The following SLC4A1 variants were observed in gnomAD, a reference collection of about 807,000 sequenced individuals.
The protein encoded by SLC4A1 is solute carrier family 4 member 1 (Diego blood group).
Under a neutral mutation model 93.1 loss-of-function variants are expected in SLC4A1, and 29 were observed. The observed-to-expected ratio is 0.31, with a 90% CI of 0.23 to 0.42. The LOEUF (loss-of-function observed/expected upper bound fraction) is 0.42, where lower values mean the gene tolerates loss of function less well. Among genes scored for constraint, SLC4A1 ranks in the 20% least tolerant of loss-of-function variants. The pLI is 1.00. For missense variants in SLC4A1, 965 were observed against 1,190.1 expected, an observed-to-expected ratio of 0.81 and a Z score of 2.78; for synonymous variants, 469 against 497.2, an observed-to-expected ratio of 0.94 and a Z score of 0.76.
Position 44,254,517 on chromosome 17 carries a change from A to C in SLC4A1, c.2036T>G (p.Phe679Cys), listed in dbSNP as rs1567830080. 1.3e-6 allele frequency: 2 copies of C among 1,498,938 alleles called. No individual in the cohort carries two copies. Among genetic ancestry groups the C allele is most frequent in the Non-Finnish European group, 1.8e-6 (2 of 1,110,074 alleles). 92.9% of individuals were successfully genotyped at this position (1,498,938 alleles called of 1,614,324 possible). ...LPALLVFILIFLESQITTLIV... is the reference protein window; with the variant it reads ...LPALLVFILICLESQITTLIV... ...TCACGTGGTGATCTGAGACTCCAGG[A>C]ATATGAGGATGAAGACCAGCAGAGC... Residue 679 changes from phenylalanine to cysteine, a missense_variant, in exon 16 of 20, where the codon TTC (phenylalanine) becomes TGC (cysteine). Around this residue, in one of 2 missense-constraint regions of SLC4A1, gnomAD observed 770 missense variants for 1,006.6 expected, o/e 0.76. Coordinates refer to ENST00000262418, the MANE Select transcript of SLC4A1 (RefSeq NM_000342.4).
chr17:44,252,054 T>G (rs999441106), intron 17 of SLC4A1, among the ~76,000 whole-genome samples: 25 of 133,932 alleles, frequency 1.9e-4, no homozygotes, highest in African/African-American at 7.3e-4. Flanking sequence ...GGTCTTTTTT[T>G]TTTTTTTTTT....
Position 44,262,948 on chromosome 17 carries a change from C to T in SLC4A1, c.-68-14G>A. ...CACCGCGGGTCCCTGCAGCAGAGGG[C>T]ACAGGCTGAGTGGGGCACAGGGCAT... On this transcript the variant is annotated splice_polypyrimidine_tract_variant and intron_variant, in intron 1 of 19. Transcript: ENST00000262418. The T allele has an allele frequency of 5.0e-6, 8 of 1,610,292 alleles. No individual in the cohort carries two copies. The highest frequency in any genetic ancestry group is 5.9e-6 in the Non-Finnish European group (7 of 1,179,592).
intron 19 of SLC4A1, among the ~76,000 whole-genome samples, 160 bp from the exon 20 acceptor site, chr17:44,250,698 A>G (rs1162815517): frequency 2.6e-5 from 4 of 152,136 alleles, no homozygotes; most frequent in Non-Finnish European, 5.9e-5. Flanking sequence ...ACTGGCCTAA[A>G]TGAGTCGTTG....
At chr17:44,257,619 G>A (rs1026940839) in intron 12 of SLC4A1, 40 bp downstream of exon 12, 39 of 1,612,942 alleles carry the variant, frequency 2.4e-5, no homozygotes, top group Non-Finnish European at 3.2e-5. Flanking sequence ...CAGGTGGTGC[G>A]GGGGACATGA....
At position 44,257,774 on chromosome 17, in the gene SLC4A1, T is replaced by A; in HGVS notation, c.1316A>T (p.Glu439Val). The change falls in exon 12 of 20, where the codon GAG becomes GTG. Residue 439 changes from glutamate (E) to valine (V), a missense_variant. This residue lies in a region of SLC4A1 where 770 missense variants were observed against 1,006.6 expected (regional missense o/e 0.76). Transcript: ENST00000262418. ...CTGCACTGCAGTGGAGATCAGCAGC[T>A]CCGACACTCCCATCTGGTTCCGGGT... is the stretch of plus-strand genomic sequence containing the variant. ...EKTRNQMGVS[E>V]LLISTAVQGI... is the part of the protein sequence containing the mutation. The A allele has an allele frequency of 6.2e-7, 1 of 1,613,884 alleles. No homozygotes were observed. The highest frequency in any genetic ancestry group is 8.5e-7 in the Non-Finnish European group (1 of 1,180,002).
intron 1 of SLC4A1, among the ~76,000 whole-genome samples, chr17:44,263,309 G>C (rs527756440): frequency 2.0e-5 from 3 of 152,180 alleles, no homozygotes; most frequent in African/African-American, 7.2e-5. Context: ...TCTTCTTCAG[G>C]GGGGCTTAGC....
rs777378002 is a variant in SLC4A1 at position 44,262,863 on chromosome 17, C to T, written c.4G>A (p.Glu2Lys). 1.9e-6 allele frequency: 3 copies of T among 1,614,198 alleles called. No homozygotes were observed. The highest frequency in any genetic ancestry group is 2.5e-6 in the Non-Finnish European group (3 of 1,180,030). ...CAGGGAACACCCACCTGCAGCTCCTCCATGGCGTGGTCCTGAGTGTCCAGT... is the reference window on the plus strand; with the variant it reads ...CAGGGAACACCCACCTGCAGCTCCTTCATGGCGTGGTCCTGAGTGTCCAGT... M[E>K]ELQDDYEDMM... is the part of the protein sequence containing the mutation. Residue 2 changes from glutamate (E) to lysine (K), a missense_variant, in exon 2 of 20, where the codon GAG (glutamate) becomes AAG (lysine). By Grantham distance (56) the Glu-to-Lys change is moderately conservative (BLOSUM62 1). This residue lies in a region of SLC4A1 where 195 missense variants were observed against 183.5 expected (regional missense o/e 1.06). Transcript: ENST00000262418.
At chr17:44,262,334 C>A (rs1375817178) in intron 3 of SLC4A1, among the ~76,000 whole-genome samples, 1 of 152,226 alleles carries the variant, frequency 6.6e-6, no homozygotes, top group Non-Finnish European at 1.5e-5. Context: ...ATTTTCTGGC[C>A]TGGAAGCTGG....
Position 44,257,685 on chromosome 17 carries a change from G to T in SLC4A1, c.1405C>A (p.Leu469Met). Residue 469 changes from leucine (L) to methionine (M), a missense_variant, in exon 12 of 20, where the codon CTG (leucine) becomes ATG (methionine). By Grantham distance (15) the Leu-to-Met change is conservative. Transcript: ENST00000262418. ...LLVVGFSGPL[L>M]VFEEAFFSFC... ...GAGAAGAAGGCTTCCTCAAACACCAGCAGGGGTCCTGAGAAGCCGACCACA... is the reference window on the plus strand; with the variant it reads ...GAGAAGAAGGCTTCCTCAAACACCATCAGGGGTCCTGAGAAGCCGACCACA... 1 of 1,613,856 alleles carries T rather than the reference G, an allele frequency of 6.2e-7. No individual in the cohort carries two copies. The highest frequency in any genetic ancestry group is 8.5e-7 in the Non-Finnish European group (1 of 1,179,962).
intron 19 of SLC4A1, 79 bp from the exon 20 acceptor site, chr17:44,250,617 T>C: frequency 9.0e-7 from 1 of 1,107,380 alleles, no homozygotes. Flanking sequence ...GAAAGGCACC[T>C]CTGGAGTTAG....
In SLC4A1 at chr17:44,257,446, G is replaced by A; in HGVS notation, c.1530C>T (p.Ser510=). ...AGCGGGAGATGAAGCGGACCAGGAA[G>A]CTACCCTCGAAGGCCACCACCAACA... is the stretch of plus-strand genomic sequence containing the variant. ...LVVLVVAFEG[S]FLVRFISRYT... is the part of the protein sequence containing the mutation. The change falls in exon 13 of 20, where the codon AGC becomes AGT. Residue 510 remains serine (S), a synonymous_variant. Transcript: ENST00000262418. 1.9e-6 allele frequency: 3 copies of A among 1,614,082 alleles called. No homozygotes were observed. The highest frequency in any genetic ancestry group is 2.5e-6 in the Non-Finnish European group (3 of 1,180,008).
intron 17 of SLC4A1, among the ~76,000 whole-genome samples, chr17:44,252,129 C>T (rs2047348941): frequency 7.0e-6 from 1 of 143,114 alleles, no homozygotes; most frequent in East Asian, 2.1e-4. Flanking sequence ...AATCTCAGCT[C>T]ACTTCAACCT....
Position 44,251,551 on chromosome 17 carries a change from G to T in SLC4A1, c.2349C>A (p.Ile783=), listed in dbSNP as rs758468406. Reference sequence around the variant, plus strand: ...AGATGCCAAACAGTACAGCCAGGGGGATGCGGGACAGGATGGGCTCCATGA... The same window carrying T: ...AGATGCCAAACAGTACAGCCAGGGGTATGCGGGACAGGATGGGCTCCATGA... ...SILMEPILSR[I]PLAVLFGIFL... is the part of the protein sequence containing the mutation. The change falls in exon 18 of 20, where the codon ATC becomes ATA. Residue 783 remains isoleucine (I), a synonymous_variant. Transcript: ENST00000262418. 8 of 1,614,110 alleles carry T rather than the reference G, an allele frequency of 5.0e-6. No homozygotes were observed. The highest frequency in any genetic ancestry group is 6.8e-6 in the Non-Finnish European group (8 of 1,180,014).
chr17:44,251,720 CTTTTTTTTTTTT>C, intron 17 of SLC4A1, 132 bp from the exon 18 acceptor site: 1 of 391,412 alleles, frequency 2.6e-6, no homozygotes, highest in Admixed American at 5.2e-5. Context: ...CTTTTCTTTT[CTTTTTTTTTTTT>C]TTTTTTTGTT....
At chr17:44,256,320 G>A (rs931357150) in intron 13 of SLC4A1, among the ~76,000 whole-genome samples, 4 of 152,244 alleles carry the variant, frequency 2.6e-5, no homozygotes, top group Non-Finnish European at 4.4e-5. Context: ...GCCATGGAAG[G>A]CAATGGGTGT....
At chr17:44,261,439 G>C in intron 4 of SLC4A1, 136 bp downstream of exon 4, 1 of 1,452,280 alleles carries the variant, frequency 6.9e-7, no homozygotes, top group Non-Finnish European at 9.5e-7. Context: ...TGTTTCCTGG[G>C]ATCCTCACTC....
chr17:44,250,890 G>C (rs2047332274), intron 19 of SLC4A1, among the ~76,000 whole-genome samples: 1 of 152,082 alleles, frequency 6.6e-6, no homozygotes, highest in Non-Finnish European at 1.5e-5. Context: ...GCTGCTTAGG[G>C]GTCCAGCTCA....
Position 44,253,355 on chromosome 17 carries a change from G to A in SLC4A1, c.2074C>T (p.Pro692Ser), listed in dbSNP as rs769075267. ...SQITTLIVSK[P>S]ERKMVKGSGF... ...GAGCCCTTGACCATCTTGCGCTCAG[G>A]TTTGCTGACAATCAGCCTACGGTAG... The change falls in exon 17 of 20, where the codon CCT becomes TCT. Residue 692 changes from proline to serine, a missense_variant. By Grantham distance (74) the Pro-to-Ser change is moderately conservative. Transcript: ENST00000262418. 41 of 1,612,278 alleles carry A rather than the reference G, an allele frequency of 2.5e-5. No individual in the cohort carries two copies. The highest frequency in any genetic ancestry group is 3.5e-5 in the Non-Finnish European group (41 of 1,178,728).
chr17:44,263,937 A>T (rs2251751), intron 1 of SLC4A1, among the ~76,000 whole-genome samples: 147,176 of 150,122 alleles, frequency 0.98, 72,131 homozygotes, highest in East Asian at 1. Flanking sequence ...CCAGGTAATT[A>T]AAAAAAAAAA....
Sources: gnomAD v4.1 joint callset for allele counts (sites outside exome capture counted in the v4.1 genomes callset) on GRCh38, gnomAD v4.1.1 for gene constraint, gnomAD v4.1.1 regional missense constraint, MANE v1.5 for transcripts, NCBI Gene and HGNC (gene_info 2026-07-23, HGNC 2026-07-21) for gene names.